Variants in KCNK2 observed in about 807,000 individuals in gnomAD.
KCNK2 encodes the protein potassium two pore domain channel subfamily K member 2.
In KCNK2, 21 loss-of-function variants were observed where a neutral mutation model predicts 40.5. The observed-to-expected ratio is 0.52, with a 90% CI of 0.37 to 0.75. The LOEUF is 0.75. KCNK2 is among the 30% of genes least tolerant of loss of function. The probability of loss-of-function intolerance (pLI) is 0.00; values close to 1 mark genes in which losing one functional copy is unlikely to be tolerated. For missense variants in KCNK2, 399 were observed against 531.6 expected, an observed-to-expected ratio of 0.75 and a Z score of 2.45; for synonymous variants, 191 against 202.2, an observed-to-expected ratio of 0.94 and a Z score of 0.47.
intron 1 of KCNK2, among the ~76,000 whole-genome samples, chr1:215,015,311 C>T (rs1656547237): frequency 6.6e-6 from 1 of 152,082 alleles, no homozygotes; most frequent in Non-Finnish European, 1.5e-5. Flanking sequence ...AATTTCCTCT[C>T]TAGTCCATTG....
intron 1 of KCNK2, among the ~76,000 whole-genome samples, chr1:215,041,578 A>T (rs1657564077): frequency 6.6e-6 from 1 of 152,222 alleles, no homozygotes; most frequent in African/African-American, 2.4e-5. Context: ...AATCATATGT[A>T]GTCAGATCTT....
At chr1:215,195,433 T>C (rs1426947796) in intron 6 of KCNK2, among the ~76,000 whole-genome samples, 1 of 151,898 alleles carries the variant, frequency 6.6e-6, no homozygotes, top group Non-Finnish European at 1.5e-5. Flanking sequence ...AATAAAAATA[T>C]AATAGAAAAT....
chr1:215,135,007 T>A (rs1571651287), intron 3 of KCNK2, among the ~76,000 whole-genome samples: 1 of 152,222 alleles, frequency 6.6e-6, no homozygotes, highest in East Asian at 1.9e-4. Context: ...ATAGATAATT[T>A]CAGTGGTACC....
chr1:215,006,804 T>G (rs1419816888), intron 1 of KCNK2, among the ~76,000 whole-genome samples: 2 of 151,746 alleles, frequency 1.3e-5, no homozygotes, highest in Non-Finnish European at 2.9e-5. Context: ...TGAATGTATC[T>G]TTCAGTGTGA....
chr1:215,131,628 T>A (rs1184797441), intron 3 of KCNK2, among the ~76,000 whole-genome samples: 1 of 150,862 alleles, frequency 6.6e-6, no homozygotes, highest in African/African-American at 2.4e-5. Context: ...GGTTAGGAGT[T>A]GCCTGCATTT....
chr1:215,174,152 G>A (rs1336442696), intron 5 of KCNK2, among the ~76,000 whole-genome samples: 1 of 152,082 alleles, frequency 6.6e-6, no homozygotes, highest in Non-Finnish European at 1.5e-5. Flanking sequence ...TTTGTATAAG[G>A]TGTAAGGAAG....
intron 6 of KCNK2, among the ~76,000 whole-genome samples, chr1:215,219,144 G>A (rs1194374012): frequency 1.3e-5 from 2 of 152,172 alleles, no homozygotes; most frequent in East Asian, 3.8e-4. Context: ...GATGAAAGAA[G>A]TACATCTTTG....
chr1:215,158,429 G>A (rs776299760), intron 3 of KCNK2, among the ~76,000 whole-genome samples: 1 of 152,144 alleles, frequency 6.6e-6, no homozygotes, highest in Non-Finnish European at 1.5e-5. Context: ...AGTGATTGAT[G>A]TAAACTTGGG....
At chr1:215,130,761 T>G (rs1044771248) in intron 3 of KCNK2, among the ~76,000 whole-genome samples, 24 of 152,168 alleles carry the variant, frequency 1.6e-4, no homozygotes, top group Admixed American at 2.6e-4. Flanking sequence ...TGGACAGATA[T>G]GTGGTCTTAA....
intron 1 of KCNK2, among the ~76,000 whole-genome samples, chr1:215,060,673 T>C (rs1323634437): frequency 6.6e-6 from 1 of 152,224 alleles, no homozygotes; most frequent in Non-Finnish European, 1.5e-5. Flanking sequence ...TGTGTTACTT[T>C]TGTATCAACT....
At chr1:215,035,282 T>A (rs1657346183) in intron 1 of KCNK2, among the ~76,000 whole-genome samples, 1 of 152,094 alleles carries the variant, frequency 6.6e-6, no homozygotes, top group Admixed American at 6.6e-5. Flanking sequence ...TTTTTATAAG[T>A]TTGCAGAGTT....
intron 3 of KCNK2, among the ~76,000 whole-genome samples, chr1:215,134,323 C>G (rs995777668): frequency 6.6e-6 from 1 of 152,164 alleles, no homozygotes; most frequent in Non-Finnish European, 1.5e-5. Flanking sequence ...ATGCTGGTCA[C>G]AAGTTCGAGC....
At chr1:215,008,631 T>C (rs974369441) in intron 1 of KCNK2, among the ~76,000 whole-genome samples, 1 of 152,130 alleles carries the variant, frequency 6.6e-6, no homozygotes, top group African/African-American at 2.4e-5. Context: ...TGGTAGATAG[T>C]AAGCATGCGA....
chr1:215,211,325 G>A (rs1300950091), intron 6 of KCNK2, among the ~76,000 whole-genome samples: 1 of 152,130 alleles, frequency 6.6e-6, no homozygotes, highest in Non-Finnish European at 1.5e-5. Context: ...TCTGTCAGCA[G>A]TGCTCTTTTC....
chr1:215,187,333 T>C (rs4433363), intron 5 of KCNK2, among the ~76,000 whole-genome samples: 32,041 of 152,044 alleles, frequency 0.21, 5,460 homozygotes, highest in African/African-American at 0.47. Context: ...GTGTTGATTC[T>C]CTACGTTCTG....
chr1:215,227,765 AGGAAT>A (rs1384864566), intron 6 of KCNK2, among the ~76,000 whole-genome samples: 1 of 152,152 alleles, frequency 6.6e-6, no homozygotes, highest in Non-Finnish European at 1.5e-5. Flanking sequence ...TTTTGACAAT[AGGAAT>A]GGAAAGAAGT....
At chr1:215,164,110 C>T (rs1221593072) in intron 3 of KCNK2, among the ~76,000 whole-genome samples, 1 of 152,086 alleles carries the variant, frequency 6.6e-6, no homozygotes. Flanking sequence ...TATTATTGGT[C>T]TATTCAGGGA....
At chr1:215,130,892 G>A (rs1011662482) in intron 3 of KCNK2, among the ~76,000 whole-genome samples, 3 of 151,384 alleles carry the variant, frequency 2.0e-5, no homozygotes, top group African/African-American at 4.9e-5. Flanking sequence ...ACGGAGTCCC[G>A]CTCTTTAGCC....
At chr1:215,212,145 G>A (rs963052280) in intron 6 of KCNK2, among the ~76,000 whole-genome samples, 2 of 152,100 alleles carry the variant, frequency 1.3e-5, no homozygotes, top group Admixed American at 6.5e-5. Context: ...TATAGCTGCA[G>A]CAAAATGTCA....
Sources: allele counts gnomAD v4.1 joint callset (sites outside exome capture counted in the v4.1 genomes callset), GRCh38; gene constraint gnomAD v4.1.1; transcripts MANE v1.5; gene names NCBI Gene and HGNC (gene_info 2026-07-23, HGNC 2026-07-21).